Variants in CENPC observed in about 807,000 individuals in gnomAD.
The protein encoded by CENPC is CENP-C 1.
CENPC carries 63 observed loss-of-function variants against 112.1 expected under a neutral mutation model. The observed-to-expected ratio is 0.56, with a 90% confidence interval of 0.46 to 0.69. The LOEUF (loss-of-function observed/expected upper bound fraction) is 0.69, where lower values mean the gene tolerates loss of function less well. Among genes scored for constraint, CENPC ranks in the 30% least tolerant of loss-of-function variants. The probability of loss-of-function intolerance (pLI) is 0.00; values close to 1 mark genes in which losing one functional copy is unlikely to be tolerated. For synonymous variants in CENPC, 333 were observed against 367.6 expected (o/e 0.91, Z 1.08); for missense variants, 1,000 against 1,103.8 (o/e 0.91, Z 1.33).
Position 67,522,566 on chromosome 4 carries a change from G to C in CENPC, c.332-3064C>G, listed in dbSNP as rs113439743. ...AGAGAGAGAAGGAGAGAGAGATCCA[G>C]CATGCCAAGCAGAGCCATATAGCCT... is the stretch of plus-strand genomic sequence containing the variant. On this transcript the variant is annotated intron_variant, in intron 5 of 18. Transcript: ENST00000273853. Among the ~76,000 whole-genome samples the C allele has an allele frequency of 1.8e-3, 276 of 152,276 alleles. 1 individual carries two copies. Among genetic ancestry groups the C allele is most frequent in the African/African-American group, 6.2e-3 (257 of 41,554 alleles).
At chr4:67,531,422 T>C (rs931513881) in intron 4 of CENPC, among the ~76,000 whole-genome samples, 1 of 152,222 alleles carries the variant, frequency 6.6e-6, no homozygotes, top group African/African-American at 2.4e-5. Context: ...AAGGACCAGC[T>C]TACAGGGCTA....
chr4:67,482,702 T>C (rs1724987208), intron 17 of CENPC, among the ~76,000 whole-genome samples: 1 of 152,042 alleles, frequency 6.6e-6, no homozygotes, highest in Non-Finnish European at 1.5e-5. Flanking sequence ...GCTATGAGGA[T>C]GCAAAGGCAT....
At chr4:67,474,152 C>T (rs1353207655) in intron 18 of CENPC, among the ~76,000 whole-genome samples, 24 of 152,038 alleles carry the variant, frequency 1.6e-4, no homozygotes, top group Admixed American at 1.5e-3. Flanking sequence ...GCAAGCTCCA[C>T]CTCCCAGGTT....
intron 13 of CENPC, 69 bp downstream of exon 13, chr4:67,495,090 T>G: frequency 7.5e-7 from 1 of 1,328,884 alleles, no homozygotes; most frequent in Non-Finnish European, 1.0e-6. Flanking sequence ...AAGAAATAAG[T>G]TATATTTAGA....
At chr4:67,490,487 T>C (rs12507268) in intron 16 of CENPC, among the ~76,000 whole-genome samples, 33,939 of 152,086 alleles carry the variant, frequency 0.22, 4,373 homozygotes, top group Middle Eastern at 0.36. Flanking sequence ...TAGCACCAGC[T>C]GAATAACAAA....
At position 67,490,112 on chromosome 4, in the gene CENPC, C is replaced by T. The variant is rs538824708; in HGVS notation, c.2525G>A (p.Arg842Lys). The T allele has an allele frequency of 1.3e-6, 2 of 1,598,980 alleles. No homozygotes were observed. Among genetic ancestry groups the T allele is most frequent in the South Asian group, 2.3e-5 (2 of 87,774 alleles). ...AAAAAATTGATATGTATCTTGTGGC[C>T]TTACAAGATCTAGGAGTAAAACAGT... ...TREIILMDLV[R>K]PQDTYQFFVK... Residue 842 changes from arginine to lysine, a missense_variant, in exon 17 of 19, where the codon AGG becomes AAG. Transcript: ENST00000273853.
chr4:67,505,367 C>T (rs1198453983), intron 11 of CENPC, 83 bp from the exon 12 acceptor site: 1 of 772,840 alleles, frequency 1.3e-6, no homozygotes, highest in African/African-American at 1.8e-5. Context: ...CATTTTTCTC[C>T]TAAAACTGCC....
intron 17 of CENPC, among the ~76,000 whole-genome samples, chr4:67,489,197 T>C (rs915896969): frequency 6.7e-6 from 1 of 148,376 alleles, no homozygotes; most frequent in African/African-American, 2.5e-5. Context: ...CTGTTATACA[T>C]ACACACACAC....
At chr4:67,477,630 T>C (rs942545493) in intron 17 of CENPC, among the ~76,000 whole-genome samples, 4 of 152,184 alleles carry the variant, frequency 2.6e-5, no homozygotes, top group African/African-American at 7.2e-5. Context: ...ATTCTGGTAA[T>C]GTGATAAAGC....
At chr4:67,542,021 T>C (rs1012035965) in intron 2 of CENPC, among the ~76,000 whole-genome samples, 6 of 152,122 alleles carry the variant, frequency 3.9e-5, no homozygotes, top group Non-Finnish European at 8.8e-5. Flanking sequence ...TGTACCAATA[T>C]TTCATTGCTT....
intron 17 of CENPC, among the ~76,000 whole-genome samples, chr4:67,481,486 C>T (rs1008658778): frequency 9.2e-5 from 14 of 152,304 alleles, no homozygotes; most frequent in Middle Eastern, 3.4e-3. Context: ...GGAGGCATCA[C>T]ATTACCTGAC....
chr4:67,476,866 T>C (rs538649029), intron 17 of CENPC, among the ~76,000 whole-genome samples: 14 of 152,284 alleles, frequency 9.2e-5, no homozygotes, highest in African/African-American at 3.4e-4. Flanking sequence ...GCCTGGCTGC[T>C]TGGGAGCTGG....
intron 4 of CENPC, among the ~76,000 whole-genome samples, chr4:67,538,490 A>G (rs1343679963): frequency 1.3e-5 from 2 of 152,224 alleles, no homozygotes; most frequent in East Asian, 3.8e-4. Flanking sequence ...GAGATGGGAA[A>G]CAAATGAGGT....
At chr4:67,505,423 A>C (rs972315051) in intron 11 of CENPC, 139 bp from the exon 12 acceptor site, 1 of 617,740 alleles carries the variant, frequency 1.6e-6, no homozygotes, top group African/African-American at 1.9e-5. Flanking sequence ...AAGTCATCAA[A>C]AATATATAGT....
chr4:67,506,836 T>G lies in CENPC; in HGVS notation c.2003A>C (p.Glu668Ala). The change falls in exon 11 of 19, where the codon GAG becomes GCG. Residue 668 changes from glutamate (E) to alanine (A), a missense_variant. Coordinates refer to ENST00000273853, the MANE Select transcript of CENPC (RefSeq NM_001812.4). ...ATGCTCTCCAGAATCCAAGTTTGACTCTGTTGGTATATTACATGTATATCC... is the reference window on the plus strand; with the variant it reads ...ATGCTCTCCAGAATCCAAGTTTGACGCTGTTGGTATATTACATGTATATCC... ...TSGYTCNIPT[E>A]SNLDSGEHKT... 1.9e-6 allele frequency: 3 copies of G among 1,612,080 alleles called. No homozygotes were observed. In the South Asian group the frequency reaches 3.3e-5, roughly 18 times the overall value.
At chr4:67,502,569 CAA>C (rs1450334713) in intron 12 of CENPC, among the ~76,000 whole-genome samples, 4 of 152,112 alleles carry the variant, frequency 2.6e-5, no homozygotes, top group Non-Finnish European at 5.9e-5. Context: ...ATGTACATAA[CAA>C]AGACTACAGA....
chr4:67,490,418 T>A (rs983211826), intron 16 of CENPC, among the ~76,000 whole-genome samples: 3 of 152,166 alleles, frequency 2.0e-5, no homozygotes, highest in African/African-American at 7.2e-5. Flanking sequence ...GCTGTGAATA[T>A]CAACGAGTTA....
intron 9 of CENPC, among the ~76,000 whole-genome samples, chr4:67,510,334 T>C (rs1291402661): frequency 6.6e-6 from 1 of 152,178 alleles, no homozygotes; most frequent in Non-Finnish European, 1.5e-5. Context: ...TAACTCCTAG[T>C]TCATCCTTCA....
intron 17 of CENPC, among the ~76,000 whole-genome samples, chr4:67,476,342 A>C (rs112846585): frequency 6.6e-6 from 1 of 152,234 alleles, no homozygotes; most frequent in Non-Finnish European, 1.5e-5. Context: ...GTGAGTGCCC[A>C]AAGTGTGAAA....
Sources: allele counts gnomAD v4.1 joint callset (sites outside exome capture counted in the v4.1 genomes callset), GRCh38; gene constraint gnomAD v4.1.1; transcripts MANE v1.5; gene names NCBI Gene and HGNC (gene_info 2026-07-23, HGNC 2026-07-21).